THAP4: variants seen among roughly 807,000 people sequenced by gnomAD.
THAP4 encodes peroxynitrite isomerase THAP4.
In THAP4, 18 loss-of-function variants were observed where a neutral mutation model predicts 48.1. The ratio of observed to expected loss-of-function variants is 0.37; its 90% confidence interval spans 0.26 to 0.56. The LOEUF is 0.56. Among genes scored for constraint, THAP4 ranks in the 20% least tolerant of loss-of-function variants. THAP4 has a pLI of 0.78. For synonymous variants in THAP4, 345 were observed against 324.9 expected, an observed-to-expected ratio of 1.06 and a Z score of -0.66; for missense variants, 656 against 774.9, an observed-to-expected ratio of 0.85 and a Z score of 1.82.
rs887500327 is a variant in THAP4, at chr2:241,587,685, T to TA, written c.1615-2961dup. ...AAAATCCTGAGCAATAGAATCTATT[T>TA]AAAAAATTCTCAATTATTTGGAAAA... On this transcript the variant is annotated intron_variant, in intron 5 of 5. Coordinates refer to ENST00000407315, the MANE Select transcript of THAP4 (RefSeq NM_015963.6). 1.3e-3 allele frequency among the ~76,000 whole-genome samples: 195 copies of TA among 152,186 alleles called. 1 individual carries two copies. The highest frequency in any genetic ancestry group is 4.4e-3 in the African/African-American group (184 of 41,524).
intron 5 of THAP4, among the ~76,000 whole-genome samples, chr2:241,592,636 G>A (rs2066999153): frequency 6.6e-6 from 1 of 152,216 alleles, no homozygotes; most frequent in South Asian, 2.1e-4. Context: ...TGATCCCCCA[G>A]ATGCCACGGA....
At chr2:241,585,326 A>G (rs1270916818) in intron 5 of THAP4, among the ~76,000 whole-genome samples, 2 of 151,282 alleles carry the variant, frequency 1.3e-5, no homozygotes, top group African/African-American at 4.9e-5. Context: ...GCAAATTGTG[A>G]GAGTGACCAC....
At chr2:241,600,727 CAAAAAAAAA>C (rs35546566) in intron 5 of THAP4, among the ~76,000 whole-genome samples, 1 of 88,784 alleles carries the variant, frequency 1.1e-5, no homozygotes, top group Non-Finnish European at 2.3e-5. Context: ...GACTCCGTCT[CAAAAAAAAA>C]AAAAAAAAGA....
chr2:241,595,036 CAG>C (rs936769697), intron 5 of THAP4, among the ~76,000 whole-genome samples: 13 of 152,062 alleles, frequency 8.5e-5, no homozygotes, highest in African/African-American at 3.1e-4. Flanking sequence ...TTTCTGATAA[CAG>C]AGTCTCGCTC....
chr2:241,620,381 T>G (rs1368255956), intron 2 of THAP4, among the ~76,000 whole-genome samples: 5 of 57,536 alleles, frequency 8.7e-5, no homozygotes, highest in South Asian at 6.6e-4. Context: ...GGGTGAGGGG[T>G]GAGTGAGTCA....
chr2:241,600,727 C>CAAAAAA (rs35546566), intron 5 of THAP4, among the ~76,000 whole-genome samples: 2 of 88,768 alleles, frequency 2.3e-5, no homozygotes, highest in African/African-American at 4.3e-5. Context: ...GACTCCGTCT[C>CAAAAAA]AAAAAAAAAA....
rs548973157 is a variant in THAP4, at chr2:241,591,559, G to A, written c.1615-6834C>T. Among the ~76,000 whole-genome samples, 115 of 152,284 alleles carry A rather than the reference G, an allele frequency of 7.6e-4. No individual in the cohort carries two copies. The Middle Eastern group carries it at 0.01, about 14-fold the overall frequency. ...AACAGACCACCTGGAACCAGAGAGA[G>A]GGTGAGAAGCAGACCCCTGATGAAG... On this transcript the variant is annotated intron_variant, in intron 5 of 5. Coordinates refer to ENST00000407315, the MANE Select transcript of THAP4 (RefSeq NM_015963.6).
At chr2:241,614,384 C>T (rs1056460321) in intron 2 of THAP4, among the ~76,000 whole-genome samples, 3 of 152,094 alleles carry the variant, frequency 2.0e-5, no homozygotes, top group South Asian at 2.1e-4. Flanking sequence ...ACAATGAAGA[C>T]GTAACCGTGA....
chr2:241,589,841 C>T (rs1455350563), intron 5 of THAP4, among the ~76,000 whole-genome samples: 1 of 152,122 alleles, frequency 6.6e-6, no homozygotes, highest in Non-Finnish European at 1.5e-5. Context: ...GACCACCACA[C>T]AGCAACAAGC....
intron 5 of THAP4, among the ~76,000 whole-genome samples, chr2:241,586,244 G>A (rs192824320): frequency 6.1e-4 from 85 of 138,330 alleles, no homozygotes; most frequent in Middle Eastern, 4.1e-3. Flanking sequence ...GCAACAGAGC[G>A]AGACTCCATC....
At chr2:241,637,548 G>A, upstream of THAP4, 1 of 1,471,892 alleles carries the variant, frequency 6.8e-7, no homozygotes, top group Non-Finnish European at 8.9e-7. Flanking sequence ...CGTCGGCCCG[G>A]CCGTACGCCA....
intron 2 of THAP4, among the ~76,000 whole-genome samples, chr2:241,630,827 A>C (rs1044883785): frequency 6.6e-6 from 1 of 151,724 alleles, no homozygotes; most frequent in Non-Finnish European, 1.5e-5. Flanking sequence ...GTGGTGGCTC[A>C]CAACTGTAGC....
intron 3 of THAP4, among the ~76,000 whole-genome samples, chr2:241,605,372 A>T (rs2067168140): frequency 6.6e-6 from 1 of 152,170 alleles, no homozygotes; most frequent in Non-Finnish European, 1.5e-5. Context: ...TGTAATGGAG[A>T]CTAAGGGAGG....
intron 5 of THAP4, among the ~76,000 whole-genome samples, chr2:241,595,204 G>A (rs2067032850): frequency 6.6e-6 from 1 of 152,134 alleles, no homozygotes; most frequent in Non-Finnish European, 1.5e-5. Flanking sequence ...TAGTAGAGAT[G>A]GGGTTTCACC....
intron 5 of THAP4, among the ~76,000 whole-genome samples, chr2:241,586,755 G>A (rs111530787): frequency 0.011 from 1,696 of 152,236 alleles, 31 homozygotes; most frequent in African/African-American, 0.039. Context: ...CACAGATGAA[G>A]AAAGGATTAG....
In THAP4 at chr2:241,597,019, T is replaced by C. The variant is rs563857184; in HGVS notation, c.1614+4877A>G. On this transcript the variant is annotated intron_variant, in intron 5 of 5. Coordinates refer to ENST00000407315, the MANE Select transcript of THAP4 (RefSeq NM_015963.6). The stretch of plus-strand genomic sequence containing the variant: ...ACATATTTTTATTTTTAAAAAGTAA[T>C]TGTGCTACATTAGATGGCTTCTTTC... Among the ~76,000 whole-genome samples, 206 of 152,340 alleles carry C rather than the reference T, an allele frequency of 1.4e-3. 1 individual carries two copies. The highest frequency in any genetic ancestry group is 1.1e-3 in the Non-Finnish European group (77 of 68,036).
At chr2:241,619,638 A>G (rs2067386063) in intron 2 of THAP4, among the ~76,000 whole-genome samples, 1 of 152,238 alleles carries the variant, frequency 6.6e-6, no homozygotes, top group South Asian at 2.1e-4. Context: ...AGTGTGCAGC[A>G]TGGGCAGTTG....
intron 5 of THAP4, among the ~76,000 whole-genome samples, chr2:241,600,846 C>A (rs1274403518): frequency 6.6e-6 from 1 of 151,744 alleles, no homozygotes; most frequent in Admixed American, 6.6e-5. Flanking sequence ...CCAGAGGCAA[C>A]AACAGGAAAG....
In THAP4 at chr2:241,584,502, G is replaced by A. The variant is rs2066867045; in HGVS notation, c.*104C>T. On this transcript the variant is annotated 3_prime_UTR_variant, in exon 6 of 6. Transcript: ENST00000407315. ...TGGACAACACTCTTGAGCCTGCAGA[G>A]GCTCACGGCCACACCCACTTCTGCC... The A allele has an allele frequency of 1.6e-6, 2 of 1,288,736 alleles. No individual in the cohort carries two copies. Among genetic ancestry groups the A allele is most frequent in the Non-Finnish European group, 1.1e-6 (1 of 903,718 alleles). 79.8% of individuals were successfully genotyped at this position (1,288,736 alleles called of 1,614,324 possible).
Sources: allele counts gnomAD v4.1 joint callset (sites outside exome capture counted in the v4.1 genomes callset), GRCh38; gene constraint gnomAD v4.1.1; transcripts MANE v1.5; gene names NCBI Gene and HGNC (gene_info 2026-07-23, HGNC 2026-07-21).